The following OSBPL6 variants were observed in gnomAD, a reference collection of about 807,000 sequenced individuals.
OSBPL6 encodes oxysterol binding protein like 6.
OSBPL6 carries 49 observed loss-of-function variants against 125.8 expected under a neutral mutation model. The observed-to-expected ratio is 0.39, with a 90% CI of 0.31 to 0.49. The LOEUF (loss-of-function observed/expected upper bound fraction) is 0.49. Among genes scored for constraint, OSBPL6 ranks in the 20% least tolerant of loss-of-function variants. The pLI is 0.88. For missense variants in OSBPL6, 986 were observed against 1,135.4 expected, an observed-to-expected ratio of 0.87 and a Z score of 1.89; for synonymous variants, 394 against 391.8, an observed-to-expected ratio of 1.01 and a Z score of -0.07.
intron 2 of OSBPL6, among the ~76,000 whole-genome samples, chr2:178,293,119 G>A (rs1204845484): frequency 1.3e-5 from 2 of 151,838 alleles, no homozygotes; most frequent in Admixed American, 6.6e-5. Flanking sequence ...AGGGTGTATG[G>A]GAACTTCCCA....
intron 8 of OSBPL6, among the ~76,000 whole-genome samples, chr2:178,334,007 T>C (rs1226829553): frequency 6.6e-6 from 1 of 152,228 alleles, no homozygotes; most frequent in Non-Finnish European, 1.5e-5. Context: ...TTTCCATTTT[T>C]ACCAGGTGCC....
At chr2:178,241,602 G>T (rs2091296535) in intron 1 of OSBPL6, among the ~76,000 whole-genome samples, 1 of 151,996 alleles carries the variant, frequency 6.6e-6, no homozygotes, top group Non-Finnish European at 1.5e-5. Flanking sequence ...TTTTAGTAGA[G>T]ACGGGGTTTC....
At chr2:178,195,438 A>G (rs1339004784) in intron 1 of OSBPL6, among the ~76,000 whole-genome samples, 1 of 152,182 alleles carries the variant, frequency 6.6e-6, no homozygotes, top group Non-Finnish European at 1.5e-5. Flanking sequence ...GGGAGGAGGG[A>G]ATGGGAGACC....
At chr2:178,236,837 C>T (rs1428429893) in intron 1 of OSBPL6, among the ~76,000 whole-genome samples, 1 of 152,172 alleles carries the variant, frequency 6.6e-6, no homozygotes, top group Non-Finnish European at 1.5e-5. Flanking sequence ...AGCTCCCTAT[C>T]ACTCTTTCTC....
chr2:178,307,044 G>A (rs944725185), intron 3 of OSBPL6, among the ~76,000 whole-genome samples: 1 of 152,098 alleles, frequency 6.6e-6, no homozygotes, highest in Non-Finnish European at 1.5e-5. Context: ...TGTGTAACTG[G>A]AAATTCCCAA....
rs777312545 is a variant in OSBPL6 at position 178,336,377 on chromosome 2, A to G, written c.734A>G (p.Gln245Arg). Residue 245 changes from glutamine to arginine, a missense_variant, in exon 9 of 25, where the codon CAG becomes CGG. Coordinates refer to ENST00000190611, the MANE Select transcript of OSBPL6 (RefSeq NM_032523.4). ...CTCCCTGCAACGTGCACAACTGGCCAGAGTAAAGTGGCAGCCTGGTTACAG... is the reference window on the plus strand; with the variant it reads ...CTCCCTGCAACGTGCACAACTGGCCGGAGTAAAGTGGCAGCCTGGTTACAG... Reference protein sequence around the residue: ...NSLPATCTTGQSKVAAWLQDS... With the variant: ...NSLPATCTTGRSKVAAWLQDS... 2.5e-6 allele frequency: 4 copies of G among 1,614,036 alleles called. No homozygotes were observed. Among genetic ancestry groups the G allele is most frequent in the Admixed American group, 3.3e-5 (2 of 59,996 alleles).
At chr2:178,243,863 G>A (rs987574128) in intron 1 of OSBPL6, among the ~76,000 whole-genome samples, 1 of 152,124 alleles carries the variant, frequency 6.6e-6, no homozygotes, top group Admixed American at 6.5e-5. Flanking sequence ...ATGTTGGCCA[G>A]GCTGGTCTTG....
intron 1 of OSBPL6, among the ~76,000 whole-genome samples, chr2:178,204,685 T>C (rs1410066997): frequency 1.3e-5 from 2 of 152,222 alleles, no homozygotes; most frequent in Admixed American, 6.5e-5. Context: ...CCCCCAGATA[T>C]CTGTTGAAAG....
intron 1 of OSBPL6, among the ~76,000 whole-genome samples, chr2:178,198,209 A>G (rs1000797651): frequency 2.6e-5 from 4 of 152,244 alleles, no homozygotes; most frequent in Non-Finnish European, 5.9e-5. Flanking sequence ...GGATTAGTTT[A>G]AAAACTAAAA....
intron 2 of OSBPL6, 135 bp downstream of exon 2, chr2:178,285,256 T>C: frequency 2.6e-6 from 1 of 391,576 alleles, no homozygotes; most frequent in Non-Finnish European, 4.5e-6. Flanking sequence ...GTATGTCAGA[T>C]CTTAAAATAA....
chr2:178,312,021 G>A (rs779605865), intron 3 of OSBPL6, among the ~76,000 whole-genome samples: 3 of 152,068 alleles, frequency 2.0e-5, no homozygotes, highest in Non-Finnish European at 2.9e-5. Flanking sequence ...TTAGTCTGTC[G>A]CCCAGGCTGG....
intron 3 of OSBPL6, among the ~76,000 whole-genome samples, chr2:178,313,776 C>T (rs1387415446): frequency 1.3e-5 from 2 of 152,062 alleles, no homozygotes; most frequent in African/African-American, 4.8e-5. Context: ...CCAACAGTGG[C>T]CTATTCATTC....
chr2:178,253,227 G>A (rs778141957), intron 1 of OSBPL6, among the ~76,000 whole-genome samples: 1 of 152,062 alleles, frequency 6.6e-6, no homozygotes, highest in Non-Finnish European at 1.5e-5. Context: ...TCACCATGTT[G>A]GCCAGGCTGG....
intron 3 of OSBPL6, among the ~76,000 whole-genome samples, 178 bp downstream of exon 3, chr2:178,306,464 C>T (rs373364821): frequency 3.3e-5 from 5 of 152,162 alleles, no homozygotes; most frequent in African/African-American, 9.7e-5. Context: ...TCTTGCTTCT[C>T]TGTGATTTAG....
At chr2:178,207,309 T>C (rs919822035) in intron 1 of OSBPL6, among the ~76,000 whole-genome samples, 1 of 152,220 alleles carries the variant, frequency 6.6e-6, no homozygotes, top group African/African-American at 2.4e-5. Context: ...CCTTTTCCTC[T>C]GTGTGTGTCT....
chr2:178,200,413 G>C (rs1235026961), intron 1 of OSBPL6, among the ~76,000 whole-genome samples: 1 of 151,788 alleles, frequency 6.6e-6, no homozygotes, highest in African/African-American at 2.4e-5. Context: ...CACCATGCCT[G>C]GCTAATTTTT....
chr2:178,339,172 T>G (rs1559264848), intron 10 of OSBPL6, 78 bp downstream of exon 10: 4 of 788,760 alleles, frequency 5.1e-6, no homozygotes, highest in Non-Finnish European at 7.9e-6. Context: ...TATGAATATA[T>G]AAGGTAACAT....
Position 178,250,743 on chromosome 2 carries a change from C to T in OSBPL6, c.-350-34184C>T, listed in dbSNP as rs951629874. Among the ~76,000 whole-genome samples the T allele has an allele frequency of 6.6e-5, 10 of 152,100 alleles. No homozygotes were observed. The East Asian group carries it at 1.7e-3, about 26-fold the overall frequency. ...CCACAAAGCAGAAGCCGTCTCATAT[C>T]GTGCACTATAAATGAGGACTTCCCT... On this transcript the variant is annotated intron_variant, in intron 1 of 24. Transcript: ENST00000190611.
intron 1 of OSBPL6, among the ~76,000 whole-genome samples, chr2:178,254,565 A>G (rs959294334): frequency 2.0e-4 from 31 of 152,184 alleles, no homozygotes; most frequent in African/African-American, 5.8e-4. Flanking sequence ...AAAAATGACT[A>G]TTTATTTGAC....
Sources: allele counts gnomAD v4.1 joint callset (sites outside exome capture counted in the v4.1 genomes callset), GRCh38; gene constraint gnomAD v4.1.1; transcripts MANE v1.5; gene names NCBI Gene and HGNC (gene_info 2026-07-23, HGNC 2026-07-21).